The following EXOC6B variants were observed in gnomAD, a reference collection of about 807,000 sequenced individuals.
The protein encoded by EXOC6B is SEC15 homolog B.
In EXOC6B, 54 loss-of-function variants were observed where a neutral mutation model predicts 113.5. The observed-to-expected ratio is 0.48, with a 90% CI of 0.38 to 0.60. EXOC6B has a LOEUF of 0.60. Among genes scored for constraint, EXOC6B ranks in the 20% least tolerant of loss-of-function variants. The probability of loss-of-function intolerance (pLI) is 0.00; values close to 1 mark genes in which losing one functional copy is unlikely to be tolerated. For missense variants in EXOC6B, 797 were observed against 977.5 expected (o/e 0.82, Z 2.46); for synonymous variants, 357 against 339.0 (o/e 1.05, Z -0.58).
intron 7 of EXOC6B, among the ~76,000 whole-genome samples, chr2:72,562,629 C>T (rs183227187): frequency 5.2e-4 from 79 of 152,202 alleles, no homozygotes; most frequent in Non-Finnish European, 1.5e-4. Context: ...ATAACACAGC[C>T]CTTGCATTTT....
intron 7 of EXOC6B, among the ~76,000 whole-genome samples, chr2:72,574,607 AG>A (rs760371006): frequency 1.3e-5 from 2 of 152,196 alleles, no homozygotes; most frequent in Non-Finnish European, 2.9e-5. Context: ...TACAAAAAAA[AG>A]GCTACTGAGT....
At chr2:72,543,179 G>T (rs1178311716) in intron 8 of EXOC6B, among the ~76,000 whole-genome samples, 1 of 151,978 alleles carries the variant, frequency 6.6e-6, no homozygotes, top group Non-Finnish European at 1.5e-5. Flanking sequence ...AGGAGGAAAA[G>T]AACAACCAGA....
At chr2:72,411,026 T>C (rs1167956179) in intron 18 of EXOC6B, among the ~76,000 whole-genome samples, 4 of 152,042 alleles carry the variant, frequency 2.6e-5, no homozygotes, top group South Asian at 4.1e-4. Flanking sequence ...CTGAGCAACA[T>C]AGTGAAACCC....
chr2:72,286,111 C>G (rs577328285), intron 20 of EXOC6B, among the ~76,000 whole-genome samples: 1 of 152,272 alleles, frequency 6.6e-6, no homozygotes, highest in South Asian at 2.1e-4. Context: ...TAAACATACT[C>G]TCACCATATG....
chr2:72,335,693 C>A (rs1475351021), intron 19 of EXOC6B, among the ~76,000 whole-genome samples: 12 of 152,028 alleles, frequency 7.9e-5, no homozygotes, highest in Non-Finnish European at 8.8e-5. Context: ...AACCTCACTG[C>A]AAAACTTAGG....
chr2:72,676,957 G>T lies in EXOC6B; in HGVS notation c.669+41146C>A, dbSNP rs368099972. 1.4e-4 allele frequency among the ~76,000 whole-genome samples: 22 copies of T among 152,276 alleles called. 2 individuals carry two copies. The highest frequency in any genetic ancestry group is 4.6e-4 in the African/African-American group (19 of 41,566). On this transcript the variant is annotated intron_variant, in intron 6 of 21. Coordinates refer to ENST00000272427, the MANE Select transcript of EXOC6B (RefSeq NM_015189.3). ...TACCAAAAACCCCCAGAACAAAAAC[G>T]TTCTGGACTAATCCACCTTATGAGA...
intron 6 of EXOC6B, among the ~76,000 whole-genome samples, chr2:72,692,778 T>A (rs1339594344): frequency 6.6e-6 from 1 of 152,366 alleles, no homozygotes; most frequent in East Asian, 1.9e-4. Flanking sequence ...ATTTAGTGGC[T>A]GACTACAATC....
At chr2:72,560,886 T>C (rs1367174039) in intron 7 of EXOC6B, among the ~76,000 whole-genome samples, 2 of 149,634 alleles carry the variant, frequency 1.3e-5, no homozygotes, top group Non-Finnish European at 3.0e-5. Context: ...GCATTGCAAA[T>C]TACTGAAAAA....
intron 16 of EXOC6B, among the ~76,000 whole-genome samples, chr2:72,482,257 T>A (rs1366948455): frequency 6.6e-6 from 1 of 152,230 alleles, no homozygotes; most frequent in African/African-American, 2.4e-5. Context: ...AAAAAAGTGG[T>A]ATCTATTACT....
chr2:72,341,979 C>G (rs1471944600), intron 19 of EXOC6B, among the ~76,000 whole-genome samples: 3 of 151,918 alleles, frequency 2.0e-5, no homozygotes, highest in African/African-American at 7.3e-5. Context: ...TTAAACAATA[C>G]ACTTCTAAAT....
intron 20 of EXOC6B, among the ~76,000 whole-genome samples, chr2:72,323,457 C>A (rs752717283): frequency 6.6e-6 from 1 of 152,236 alleles, no homozygotes; most frequent in South Asian, 2.1e-4. Flanking sequence ...ACTAGAAATA[C>A]CATTTGACTC....
At chr2:72,504,831 A>C (rs192987008) in intron 11 of EXOC6B, among the ~76,000 whole-genome samples, 1 of 152,200 alleles carries the variant, frequency 6.6e-6, no homozygotes, top group East Asian at 1.9e-4. Flanking sequence ...ATTTGGTTCT[A>C]ATTTGCATTT....
rs1458528324 is a variant in EXOC6B at position 72,176,921 on chromosome 2, C to T, written c.*2414G>A. Reference sequence around the variant, plus strand: ...CTGGGCACACATGCTTTGCACAAGTCCTCTCAAGGGTTGGCCCAGCTACAG... The same window carrying T: ...CTGGGCACACATGCTTTGCACAAGTTCTCTCAAGGGTTGGCCCAGCTACAG... On this transcript the variant is annotated 3_prime_UTR_variant, in exon 22 of 22. Transcript: ENST00000272427. 6.6e-6 allele frequency: 1 copy of T among 152,110 alleles called. No individual in the cohort carries two copies. The allele number at this position is 152,110 out of a possible 1,614,324, so 9.4% of individuals were successfully genotyped here.
chr2:72,300,215 C>G (rs1050825361), intron 20 of EXOC6B, among the ~76,000 whole-genome samples: 1 of 152,086 alleles, frequency 6.6e-6, no homozygotes, highest in African/African-American at 2.4e-5. Context: ...TCAGAGATGC[C>G]CTGCCCAAAG....
intron 1 of EXOC6B, among the ~76,000 whole-genome samples, chr2:72,745,569 A>G (rs1681643534): frequency 6.6e-6 from 1 of 152,128 alleles, no homozygotes; most frequent in South Asian, 2.1e-4. Context: ...TGATTCCCAG[A>G]TCCTAGGTGG....
At chr2:72,775,028 T>C (rs759263996) in intron 1 of EXOC6B, among the ~76,000 whole-genome samples, 2 of 152,126 alleles carry the variant, frequency 1.3e-5, no homozygotes, top group Admixed American at 1.3e-4. Flanking sequence ...AAGAGGTGCA[T>C]AGGGAGAGTT....
intron 1 of EXOC6B, among the ~76,000 whole-genome samples, chr2:72,800,782 T>C (rs1336551082): frequency 1.3e-5 from 2 of 152,140 alleles, no homozygotes; most frequent in South Asian, 4.1e-4. Context: ...ATTTATGTAA[T>C]AAAAAGAGAT....
intron 6 of EXOC6B, among the ~76,000 whole-genome samples, chr2:72,632,852 G>A (rs1672565884): frequency 6.6e-6 from 1 of 151,946 alleles, no homozygotes; most frequent in African/African-American, 2.4e-5. Flanking sequence ...CAGCTAATTT[G>A]TTAATATTTG....
At chr2:72,675,915 A>G (rs1220409497) in intron 6 of EXOC6B, among the ~76,000 whole-genome samples, 1 of 152,072 alleles carries the variant, frequency 6.6e-6, no homozygotes, top group Non-Finnish European at 1.5e-5. Flanking sequence ...TCTATGTTCT[A>G]CTAATACCTC....
Sources: gnomAD v4.1 joint callset for allele counts (sites outside exome capture counted in the v4.1 genomes callset) on GRCh38, gnomAD v4.1.1 for gene constraint, MANE v1.5 for transcripts, NCBI Gene and HGNC (gene_info 2026-07-23, HGNC 2026-07-21) for gene names.